FAT3: variants seen among roughly 807,000 people sequenced by gnomAD.
FAT3 encodes the protein FAT atypical cadherin 3.
A neutral mutation model predicts 310.2 loss-of-function variants in FAT3; 95 were observed. That is an observed-to-expected ratio of 0.31 (90% CI 0.26 to 0.36). The LOEUF (loss-of-function observed/expected upper bound fraction) is 0.36. Ranked by LOEUF, FAT3 falls within the 10% of genes least tolerant of loss-of-function variation. The pLI, the probability that FAT3 is intolerant of heterozygous loss-of-function variation, is 1.00. For synonymous variants in FAT3, 2,314 were observed against 2,192.9 expected (o/e 1.06, Z -1.54); for missense variants, 5,408 against 5,715.6 (o/e 0.95, Z 1.74).
At chr11:92,460,298 A>G (rs1184233152) in intron 2 of FAT3, among the ~76,000 whole-genome samples, 1 of 152,156 alleles carries the variant, frequency 6.6e-6, no homozygotes, top group African/African-American at 2.4e-5. Flanking sequence ...CTAGTGAATG[A>G]GTGATATTCT....
intron 3 of FAT3, among the ~76,000 whole-genome samples, chr11:92,563,544 G>C (rs940048987): frequency 1.3e-5 from 2 of 152,094 alleles, no homozygotes; most frequent in Non-Finnish European, 2.9e-5. Context: ...ATATGAATGA[G>C]GATAGGCTCA....
chr11:92,663,443 G>T (rs1942854888), intron 3 of FAT3, among the ~76,000 whole-genome samples: 2 of 152,146 alleles, frequency 1.3e-5, no homozygotes, highest in African/African-American at 2.4e-5. Flanking sequence ...AGTTGCTGAT[G>T]GACTGAAAAA....
At chr11:92,629,617 C>T (rs1045292143) in intron 3 of FAT3, among the ~76,000 whole-genome samples, 10 of 151,812 alleles carry the variant, frequency 6.6e-5, no homozygotes, top group African/African-American at 2.4e-4. Context: ...CACTATGTTG[C>T]CCAGGCTGGT....
chr11:92,669,301 A>G (rs1943055333), intron 3 of FAT3, among the ~76,000 whole-genome samples: 1 of 152,180 alleles, frequency 6.6e-6, no homozygotes, highest in Non-Finnish European at 1.5e-5. Context: ...TGATCTCACA[A>G]AGTCCCTTAA....
rs777433256 is a variant in FAT3 at position 92,890,567 on chromosome 11, C to G, written c.13224C>G (p.Asn4408Lys). 1 of 1,613,084 alleles carries G rather than the reference C, an allele frequency of 6.2e-7. No individual in the cohort carries two copies. The change falls in exon 28 of 28, where the codon AAC (asparagine) becomes AAG (lysine). Residue 4408 changes from asparagine (N) to lysine (K), a missense_variant. Around this residue, in one of 5 missense-constraint regions of FAT3, gnomAD observed 649 missense variants for 666.2 expected, o/e 0.97. Coordinates refer to ENST00000525166, the MANE Select transcript of FAT3 (RefSeq NM_001367949.2). ...SDIEEVPNYE[N>K]QDGGSAHQGS... ...TAGAGGAAGTGCCCAACTATGAGAACCAGGATGGAGGGTCTGCACACCAGG... is the reference window on the plus strand; with the variant it reads ...TAGAGGAAGTGCCCAACTATGAGAAGCAGGATGGAGGGTCTGCACACCAGG...
chr11:92,806,303 T>C (rs1313911155), intron 11 of FAT3, 59 bp from the exon 12 acceptor site: 13 of 1,420,022 alleles, frequency 9.2e-6, no homozygotes, highest in Non-Finnish European at 1.2e-5. Flanking sequence ...TAATGCTAAA[T>C]ATGGCAATTG....
intron 1 of FAT3, among the ~76,000 whole-genome samples, chr11:92,262,587 G>A (rs1248650159): frequency 6.6e-6 from 1 of 152,070 alleles, no homozygotes; most frequent in Non-Finnish European, 1.5e-5. Flanking sequence ...TCCCCATCCA[G>A]TGGAGTTTTT....
intron 2 of FAT3, among the ~76,000 whole-genome samples, chr11:92,407,223 C>T (rs1950153756): frequency 6.6e-6 from 1 of 152,124 alleles, no homozygotes; most frequent in African/African-American, 2.4e-5. Context: ...TGGAGATTGA[C>T]TTTGAACAGT....
intron 4 of FAT3, among the ~76,000 whole-genome samples, chr11:92,700,940 A>G (rs550766755): frequency 1.3e-5 from 2 of 152,306 alleles, no homozygotes; most frequent in Admixed American, 1.3e-4. Flanking sequence ...AAGGAACATT[A>G]CTTTAACTTA....
intron 3 of FAT3, among the ~76,000 whole-genome samples, chr11:92,569,479 A>G (rs542908671): frequency 1.3e-5 from 2 of 152,280 alleles, no homozygotes; most frequent in African/African-American, 2.4e-5. Flanking sequence ...GAGGGAAGGA[A>G]TGTTAACTCA....
intron 2 of FAT3, among the ~76,000 whole-genome samples, chr11:92,488,447 A>ACGG (rs1952493556): frequency 2.0e-4 from 1 of 5,022 alleles, no homozygotes. Flanking sequence ...AATAACTAGC[A>ACGG]CCGCCCCCCC....
At chr11:92,350,686 T>C (rs1309973624) in intron 1 of FAT3, among the ~76,000 whole-genome samples, 1 of 152,178 alleles carries the variant, frequency 6.6e-6, no homozygotes, top group Non-Finnish European at 1.5e-5. Flanking sequence ...GATTAACTTC[T>C]CTGACCCTCA....
intron 23 of FAT3, among the ~76,000 whole-genome samples, chr11:92,881,490 C>A (rs1293580979): frequency 6.6e-6 from 1 of 152,082 alleles, no homozygotes; most frequent in Non-Finnish European, 1.5e-5. Context: ...GCAAATCTCC[C>A]GAGGACTTTA....
At chr11:92,697,354 TAA>T (rs779963435) in intron 3 of FAT3, 28 bp from the exon 4 acceptor site, 4 of 1,610,084 alleles carry the variant, frequency 2.5e-6, no homozygotes, top group Non-Finnish European at 3.4e-6. Context: ...CCCAGATATT[TAA>T]AAGTCAAATA....
chr11:92,615,536 C>T (rs61901866), intron 3 of FAT3, among the ~76,000 whole-genome samples: 17,234 of 152,172 alleles, frequency 0.11, 1,375 homozygotes, highest in Non-Finnish European at 0.17. Context: ...CGTAAGCCAC[C>T]GCGCCTGACC....
At chr11:92,747,187 T>G (rs1945696497) in intron 4 of FAT3, among the ~76,000 whole-genome samples, 1 of 152,166 alleles carries the variant, frequency 6.6e-6, no homozygotes, top group Non-Finnish European at 1.5e-5. Context: ...AACTTCTGCC[T>G]GGACATCCAG....
chr11:92,833,907 G>A (rs1948331305), intron 14 of FAT3, among the ~76,000 whole-genome samples: 1 of 152,152 alleles, frequency 6.6e-6, no homozygotes, highest in Admixed American at 6.5e-5. Flanking sequence ...ACTTAATTAT[G>A]GGGAGAAAGA....
rs76958954 is a variant in FAT3 at position 92,836,603 on chromosome 11, A to G, written c.10124A>G (p.Gln3375Arg). 9.5e-4 allele frequency: 1,536 copies of G among 1,613,926 alleles called. 17 individuals carry two copies. The Admixed American group carries it at 0.016, about 17-fold the overall frequency. ...AEDVDSQPNGQIHFSIVNGDR... is the reference protein window; with the variant it reads ...AEDVDSQPNGRIHFSIVNGDR... ...GATGTAGACAGCCAGCCCAACGGAC[A>G]GATTCATTTTTCCATTGTGAATGGA... The change falls in exon 16 of 28, where the codon CAG becomes CGG. Residue 3375 changes from glutamine to arginine, a missense_variant. By Grantham distance (43) the Gln-to-Arg change is conservative. Coordinates refer to ENST00000525166, the MANE Select transcript of FAT3 (RefSeq NM_001367949.2).
chr11:92,826,578 T>A (rs1017438503), intron 13 of FAT3, among the ~76,000 whole-genome samples: 1 of 152,228 alleles, frequency 6.6e-6, no homozygotes, highest in African/African-American at 2.4e-5. Context: ...ACTTAAAATG[T>A]ACTAATGTTA....
Sources: gnomAD v4.1 joint callset for allele counts (sites outside exome capture counted in the v4.1 genomes callset) on GRCh38, gnomAD v4.1.1 for gene constraint, gnomAD v4.1.1 regional missense constraint, MANE v1.5 for transcripts, NCBI Gene and HGNC (gene_info 2026-07-23, HGNC 2026-07-21) for gene names.